Variants in ULK4 observed in about 807,000 individuals in gnomAD.
ULK4 encodes unc-51 like kinase 4.
ULK4 carries 133 observed loss-of-function variants against 160.6 expected under a neutral mutation model. That is an observed-to-expected ratio of 0.83 (90% CI 0.72 to 0.96). The LOEUF is 0.96. ULK4 is among the 40% of genes least tolerant of loss of function. The pLI, the probability that ULK4 is intolerant of heterozygous loss-of-function variation, is 0.00. For synonymous variants in ULK4, 534 were observed against 539.8 expected (o/e 0.99, Z 0.15); for missense variants, 1,580 against 1,499.5 (o/e 1.05, Z -0.89).
At chr3:41,479,229 A>G (rs2084237169) in intron 32 of ULK4, among the ~76,000 whole-genome samples, 1 of 152,200 alleles carries the variant, frequency 6.6e-6, no homozygotes, top group Non-Finnish European at 1.5e-5. Context: ...CTCCCCTGTC[A>G]TCTACTTCTG....
rs148120635 is a variant in ULK4 at position 41,765,118 on chromosome 3, T to C, written c.2194-10630A>G. ...AAAACACATGCACACGTTATGTTTA[T>C]TGAGGCGCTATTCACAATAGCGAAG... On this transcript the variant is annotated intron_variant, in intron 21 of 36. Coordinates refer to ENST00000301831, the MANE Select transcript of ULK4 (RefSeq NM_017886.4). Among the ~76,000 whole-genome samples the C allele has an allele frequency of 5.4e-3, 830 of 152,300 alleles. 3 individuals carry two copies. Among genetic ancestry groups the C allele is most frequent in the Middle Eastern group, 0.017 (5 of 294 alleles).
At chr3:41,618,771 A>C (rs1380558872) in intron 30 of ULK4, among the ~76,000 whole-genome samples, 2 of 152,216 alleles carry the variant, frequency 1.3e-5, no homozygotes. Flanking sequence ...TTCACACGGA[A>C]CAATATTAAC....
chr3:41,951,368 G>T (rs1413808573), intron 2 of ULK4, among the ~76,000 whole-genome samples: 4 of 149,848 alleles, frequency 2.7e-5, no homozygotes, highest in African/African-American at 9.8e-5. Flanking sequence ...GAATCTCAAG[G>T]TATGTCAAAC....
At chr3:41,508,160 C>T (rs1295181823) in intron 32 of ULK4, among the ~76,000 whole-genome samples, 1 of 152,106 alleles carries the variant, frequency 6.6e-6, no homozygotes, top group East Asian at 1.9e-4. Context: ...CCTATGACTG[C>T]CAGCTTTCTC....
At chr3:41,268,813 CAAAAAAA>C (rs1176923529) in intron 35 of ULK4, among the ~76,000 whole-genome samples, 4 of 29,090 alleles carry the variant, frequency 1.4e-4, no homozygotes, top group Non-Finnish European at 6.7e-5. Flanking sequence ...CACACACACA[CAAAAAAA>C]AAAAAAAAAA....
intron 1 of ULK4, among the ~76,000 whole-genome samples, chr3:41,956,569 T>C (rs980637943): frequency 6.6e-6 from 1 of 152,190 alleles, no homozygotes; most frequent in Non-Finnish European, 1.5e-5. Context: ...CTTATAAATT[T>C]TGAGAAGCAA....
chr3:41,558,169 A>T (rs1279321104), intron 32 of ULK4, among the ~76,000 whole-genome samples: 1 of 152,162 alleles, frequency 6.6e-6, no homozygotes, highest in African/African-American at 2.4e-5. Context: ...AAAACTATTC[A>T]TTGTAGAACT....
At chr3:41,833,873 C>G (rs1290924212) in intron 18 of ULK4, among the ~76,000 whole-genome samples, 1 of 151,986 alleles carries the variant, frequency 6.6e-6, no homozygotes, top group Admixed American at 6.6e-5. Context: ...CTGATCACCC[C>G]GGCGAGAACT....
chr3:41,439,392 T>C (rs147285896), intron 34 of ULK4, among the ~76,000 whole-genome samples: 47 of 152,124 alleles, frequency 3.1e-4, no homozygotes, highest in African/African-American at 1.1e-3. Context: ...CTTGATGAAC[T>C]TGGATAGGAA....
intron 30 of ULK4, among the ~76,000 whole-genome samples, chr3:41,637,398 T>C (rs989389861): frequency 1.3e-5 from 2 of 152,228 alleles, no homozygotes; most frequent in Non-Finnish European, 2.9e-5. Context: ...GGCTGAATAG[T>C]ATTCTATTGT....
At chr3:41,384,733 C>G (rs931887265) in intron 35 of ULK4, among the ~76,000 whole-genome samples, 1 of 152,066 alleles carries the variant, frequency 6.6e-6, no homozygotes, top group Non-Finnish European at 1.5e-5. Context: ...TATAGGCACC[C>G]GCCATCACTC....
chr3:41,784,814 G>A (rs1349813851), intron 21 of ULK4, among the ~76,000 whole-genome samples: 1 of 152,192 alleles, frequency 6.6e-6, no homozygotes, highest in African/African-American at 2.4e-5. Flanking sequence ...TGATTCAGAA[G>A]AGAATAGACT....
chr3:41,709,443 C>G (rs1575593168), intron 25 of ULK4, among the ~76,000 whole-genome samples: 1 of 152,118 alleles, frequency 6.6e-6, no homozygotes, highest in Non-Finnish European at 1.5e-5. Flanking sequence ...CTGGAGTGCA[C>G]TGGCATGATC....
At chr3:41,431,627 T>G (rs1018953999) in intron 34 of ULK4, among the ~76,000 whole-genome samples, 1 of 146,766 alleles carries the variant, frequency 6.8e-6, no homozygotes, top group African/African-American at 2.5e-5. Context: ...TAAAGCCTAC[T>G]CAACCACACT....
intron 35 of ULK4, among the ~76,000 whole-genome samples, chr3:41,396,915 A>G (rs1266978966): frequency 6.6e-6 from 1 of 152,120 alleles, no homozygotes; most frequent in Non-Finnish European, 1.5e-5. Context: ...GCAGTGAAGG[A>G]GTCAATCTGT....
chr3:41,492,946 CAA>C (rs1364867638), intron 32 of ULK4, among the ~76,000 whole-genome samples: 2 of 145,000 alleles, frequency 1.4e-5, no homozygotes, highest in East Asian at 3.9e-4. Flanking sequence ...GAGTGAACTA[CAA>C]AGAGACTTAG....
At chr3:41,649,635 CAG>C (rs1229022253) in intron 30 of ULK4, among the ~76,000 whole-genome samples, 3 of 152,214 alleles carry the variant, frequency 2.0e-5, no homozygotes, top group African/African-American at 7.2e-5. Context: ...CAGCCCCCTA[CAG>C]ACTTTGGGTG....
intron 18 of ULK4, among the ~76,000 whole-genome samples, chr3:41,830,766 G>T (rs1200480717): frequency 6.6e-6 from 1 of 151,468 alleles, no homozygotes; most frequent in Non-Finnish European, 1.5e-5. Context: ...AAATAATAAA[G>T]AATAATTAAG....
chr3:41,576,403 G>T (rs1559407952), intron 31 of ULK4, among the ~76,000 whole-genome samples: 2 of 152,208 alleles, frequency 1.3e-5, no homozygotes, highest in Non-Finnish European at 2.9e-5. Context: ...TGAGTGCCTT[G>T]AGGGCACGAC....
Sources: gnomAD v4.1 joint callset for allele counts (sites outside exome capture counted in the v4.1 genomes callset) on GRCh38, gnomAD v4.1.1 for gene constraint, MANE v1.5 for transcripts, NCBI Gene and HGNC (gene_info 2026-07-23, HGNC 2026-07-21) for gene names.